The following AFG2A variants were observed in gnomAD, a reference collection of about 807,000 sequenced individuals.
AFG2A encodes the protein ATPase family gene 2 protein homolog A.
At chr4:123,131,161 A>G in the AFG2A span, among the ~76,000 whole-genome samples, 1 of 152,100 alleles carries the variant, frequency 6.6e-6, no homozygotes, top group Non-Finnish European at 1.5e-5. Flanking sequence ...GCATATTACA[A>G]ACCTTCTCTT....
the AFG2A span, among the ~76,000 whole-genome samples, chr4:123,186,256 G>A: frequency 5.3e-5 from 8 of 152,018 alleles, no homozygotes; most frequent in East Asian, 1.9e-4. Flanking sequence ...TTCTGTTTTC[G>A]TTTACAACTG....
At chr4:123,262,527 T>A in the AFG2A span, among the ~76,000 whole-genome samples, 1 of 152,228 alleles carries the variant, frequency 6.6e-6, no homozygotes, top group East Asian at 1.9e-4. Context: ...ACTTTCATAG[T>A]TCCCTTTGAC....
the AFG2A span, among the ~76,000 whole-genome samples, chr4:122,960,864 T>TA: frequency 6.6e-6 from 1 of 152,216 alleles, no homozygotes; most frequent in African/African-American, 2.4e-5. Flanking sequence ...GTCCAACTCT[T>TA]ATGAAAGGTT....
the AFG2A span, among the ~76,000 whole-genome samples, chr4:123,248,220 T>C: frequency 6.6e-6 from 1 of 152,192 alleles, no homozygotes; most frequent in Non-Finnish European, 1.5e-5. Flanking sequence ...CTGAAGTAGT[T>C]TACATTCTTT....
chr4:123,233,361 T>C, the AFG2A span, among the ~76,000 whole-genome samples: 1 of 152,000 alleles, frequency 6.6e-6, no homozygotes, highest in African/African-American at 2.4e-5. Context: ...CTGTCAGAGC[T>C]GTGCTAACCT....
chr4:123,016,297 C>T, the AFG2A span, among the ~76,000 whole-genome samples: 5,311 of 151,000 alleles, frequency 0.035, 146 homozygotes, highest in Non-Finnish European at 0.055. Flanking sequence ...GGGTGGCTGC[C>T]GGGCAGAGAC....
chr4:123,247,308 A>C, the AFG2A span, among the ~76,000 whole-genome samples: 1 of 152,064 alleles, frequency 6.6e-6, no homozygotes, highest in African/African-American at 2.4e-5. Flanking sequence ...TATATTCTAA[A>C]GTTAAAAGAT....
chr4:123,248,077 A>G, the AFG2A span, among the ~76,000 whole-genome samples: 1 of 145,200 alleles, frequency 6.9e-6, no homozygotes, highest in Non-Finnish European at 1.5e-5. Flanking sequence ...TGCACACAAA[A>G]AAAAAATTGT....
the AFG2A span, among the ~76,000 whole-genome samples, chr4:123,238,095 G>A: frequency 2.0e-5 from 3 of 152,322 alleles, no homozygotes; most frequent in African/African-American, 4.8e-5. Flanking sequence ...GTTTGAGATC[G>A]ACCTGCGAGG....
chr4:122,934,509 A>G, the AFG2A span: 17 of 1,614,250 alleles, frequency 1.1e-5, no homozygotes, highest in Non-Finnish European at 1.4e-5. Flanking sequence ...TTACTGAAGA[A>G]GAGAGACTGC....
At chr4:123,008,332 C>G in the AFG2A span, among the ~76,000 whole-genome samples, 3 of 152,184 alleles carry the variant, frequency 2.0e-5, no homozygotes, top group Non-Finnish European at 2.9e-5. Flanking sequence ...CCAAGCCATT[C>G]ATGAGGGATC....
the AFG2A span, among the ~76,000 whole-genome samples, chr4:123,290,405 C>T: frequency 7.9e-5 from 12 of 152,212 alleles, no homozygotes; most frequent in African/African-American, 2.9e-4. Flanking sequence ...ATTTCATTCT[C>T]CTGTGTATGG....
At chr4:123,230,281 T>C in the AFG2A span, among the ~76,000 whole-genome samples, 1 of 152,030 alleles carries the variant, frequency 6.6e-6, no homozygotes, top group Non-Finnish European at 1.5e-5. Flanking sequence ...CAACTAAGTT[T>C]ATGTAATATC....
the AFG2A span, among the ~76,000 whole-genome samples, chr4:123,140,909 G>A: frequency 6.6e-6 from 1 of 152,076 alleles, no homozygotes; most frequent in Non-Finnish European, 1.5e-5. Flanking sequence ...TAAAAAAAAT[G>A]CTCGTGTCAT....
chr4:123,133,479 T>C, the AFG2A span, among the ~76,000 whole-genome samples: 9 of 100,482 alleles, frequency 9.0e-5, no homozygotes, highest in Non-Finnish European at 1.5e-4. Flanking sequence ...GTTCCTATCA[T>C]AGGCGTGTGC....
At chr4:123,230,058 C>T in the AFG2A span, among the ~76,000 whole-genome samples, 122 of 151,992 alleles carry the variant, frequency 8.0e-4, 1 homozygote, top group Middle Eastern at 0.01. Context: ...TGGGTCTTGC[C>T]TCCATAAAGA....
At chr4:123,264,709 AT>A in the AFG2A span, among the ~76,000 whole-genome samples, 17 of 152,308 alleles carry the variant, frequency 1.1e-4, no homozygotes, top group East Asian at 3.1e-3. Context: ...AAGTGAAGAA[AT>A]TTGGTAAAAG....
At chr4:123,132,417 G>A in the AFG2A span, among the ~76,000 whole-genome samples, 2 of 152,034 alleles carry the variant, frequency 1.3e-5, no homozygotes, top group Admixed American at 1.3e-4. Flanking sequence ...CACTTAGCGT[G>A]ATGTTTTCAG....
the AFG2A span, chr4:122,933,353 A>G: frequency 2.0e-6 from 2 of 1,020,942 alleles, no homozygotes; most frequent in Middle Eastern, 2.2e-4. Context: ...AGTCTATATT[A>G]TAACCATATA....
Sources: allele counts gnomAD v4.1 joint callset (sites outside exome capture counted in the v4.1 genomes callset), GRCh38; gene constraint gnomAD v4.1.1; transcripts MANE v1.5; gene names NCBI Gene and HGNC (gene_info 2026-07-23, HGNC 2026-07-21).